The following JPT2 variants were observed in gnomAD, a reference collection of about 807,000 sequenced individuals.
JPT2 encodes CRAMP_1 like.
A neutral mutation model predicts 15.9 loss-of-function variants in JPT2; 9 were observed. The ratio of observed to expected loss-of-function variants is 0.57; its 90% CI spans 0.34 to 0.99. The LOEUF is 0.99. Among genes scored for constraint, JPT2 ranks in the 50% least tolerant of loss-of-function variants. The pLI is 0.02. For missense variants in JPT2, 267 were observed against 252.1 expected, an observed-to-expected ratio of 1.06 and a Z score of -0.40; for synonymous variants, 95 against 91.7, an observed-to-expected ratio of 1.04 and a Z score of -0.21.
chr16:1,680,409 A>G (rs2037013153), intron 1 of JPT2: 3 of 1,145,366 alleles, frequency 2.6e-6, no homozygotes, highest in South Asian at 1.7e-5. Context: ...ACCCTGGGGG[A>G]CTGGTTTCTG....
At chr16:1,695,566 C>T (rs895864635) in intron 3 of JPT2, among the ~76,000 whole-genome samples, 3 of 151,772 alleles carry the variant, frequency 2.0e-5, no homozygotes, top group East Asian at 1.9e-4. Flanking sequence ...GAATGAGATC[C>T]TGTCTCAAAA....
At chr16:1,686,711 A>G (rs993852540) in intron 2 of JPT2, 1 of 152,046 alleles carries the variant, frequency 6.6e-6, no homozygotes, top group African/African-American at 2.4e-5. Flanking sequence ...AAAAAAATAG[A>G]AAAAGGTTTC....
chr16:1,693,285 CAG>C (rs937221939), intron 3 of JPT2, among the ~76,000 whole-genome samples: 3 of 152,102 alleles, frequency 2.0e-5, no homozygotes, highest in Non-Finnish European at 2.9e-5. Flanking sequence ...TTAGAAGAGA[CAG>C]GGTTTCACCA....
chr16:1,682,857 T>C (rs2037034681), intron 1 of JPT2, among the ~76,000 whole-genome samples: 1 of 152,186 alleles, frequency 6.6e-6, no homozygotes, highest in African/African-American at 2.4e-5. Flanking sequence ...TCGTCCAGGC[T>C]GGTGTACAGT....
At chr16:1,685,742 CT>C (rs2037060066) in intron 2 of JPT2, 155 bp downstream of exon 2, 2 of 804,964 alleles carry the variant, frequency 2.5e-6, no homozygotes, top group African/African-American at 1.8e-5. Context: ...CTGATTTGTA[CT>C]TTCTCTCTTG....
chr16:1,679,897 A>G lies in JPT2; in HGVS notation c.44+1541A>G, dbSNP rs533172877. Among the ~76,000 whole-genome samples, 439 of 152,184 alleles carry G rather than the reference A, an allele frequency of 2.9e-3. 1 individual carries two copies. The highest frequency in any genetic ancestry group is 6.8e-3 in the Middle Eastern group (2 of 294). On this transcript the variant is annotated intron_variant, in intron 1 of 4. Coordinates refer to ENST00000248098, the MANE Select transcript of JPT2 (RefSeq NM_144570.3). The stretch of plus-strand genomic sequence containing the variant: ...CGGTGAAACCCCGTCTCTACTAAAA[A>G]TACGAAAAAATTAGCCGGGTGTGGG...
At chr16:1,689,962 G>T (rs565399618) in intron 2 of JPT2, 1 of 152,410 alleles carries the variant, frequency 6.6e-6, no homozygotes, top group East Asian at 1.9e-4. Flanking sequence ...GGTTCAGAAG[G>T]TTTATCACCC....
At chr16:1,682,928 G>T in intron 1 of JPT2, among the ~76,000 whole-genome samples, 1 of 152,184 alleles carries the variant, frequency 6.6e-6, no homozygotes, top group East Asian at 1.9e-4. Flanking sequence ...TTAGCCTCCC[G>T]AATAACTGGG....
rs918492788 is a variant in JPT2, at chr16:1,699,452, C to T, written c.*454C>T. ...AGAACCGCTTCCATTCTGGAGATCA[C>T]GGCTGCTAAATCCAGCATCCCCACT... On this transcript the variant is annotated 3_prime_UTR_variant, in exon 5 of 5. Coordinates refer to ENST00000248098, the MANE Select transcript of JPT2 (RefSeq NM_144570.3). 9 of 355,334 alleles carry T rather than the reference C, an allele frequency of 2.5e-5. No individual in the cohort carries two copies. Among genetic ancestry groups the T allele is most frequent in the African/African-American group, 6.4e-5 (3 of 47,004 alleles). 22.0% of individuals were successfully genotyped at this position (355,334 alleles called of 1,614,324 possible). A position where few individuals can be genotyped will look rare whatever the true frequency, so the allele number is the denominator to read the frequency against.
intron 1 of JPT2, chr16:1,683,634 C>G (rs1035575702): frequency 6.4e-6 from 9 of 1,416,138 alleles, no homozygotes; most frequent in Non-Finnish European, 8.7e-6. Flanking sequence ...CAGTAGCCAG[C>G]CCGTGGGTCT....
chr16:1,687,324 T>G (rs985468617), intron 2 of JPT2, among the ~76,000 whole-genome samples: 1 of 152,280 alleles, frequency 6.6e-6, no homozygotes, highest in South Asian at 2.1e-4. Context: ...TTGGTCTGTT[T>G]GGTTGCTTTT....
intron 1 of JPT2, among the ~76,000 whole-genome samples, chr16:1,680,745 G>A (rs983913023): frequency 5.3e-5 from 8 of 152,116 alleles, no homozygotes; most frequent in African/African-American, 1.9e-4. Flanking sequence ...TGCTTTAGCC[G>A]CGATTAACCT....
At chr16:1,696,897 G>A (rs2037146174) in intron 3 of JPT2, among the ~76,000 whole-genome samples, 1 of 152,240 alleles carries the variant, frequency 6.6e-6, no homozygotes, top group Non-Finnish European at 1.5e-5. Context: ...TGCAGTGGCT[G>A]TGGATACTGC....
intron 1 of JPT2, among the ~76,000 whole-genome samples, chr16:1,679,536 A>G (rs1001043222): frequency 1.3e-5 from 2 of 151,894 alleles, no homozygotes; most frequent in Non-Finnish European, 2.9e-5. Flanking sequence ...GTCTCTACTA[A>G]AAATGCAAAA....
intron 2 of JPT2, among the ~76,000 whole-genome samples, chr16:1,687,574 G>T (rs1054622085): frequency 6.6e-6 from 1 of 152,146 alleles, no homozygotes; most frequent in Non-Finnish European, 1.5e-5. Flanking sequence ...TGGAAGGCAG[G>T]CGGTACCACT....
chr16:1,699,252 A>C lies in JPT2; in HGVS notation c.*254A>C. 5.0e-5 allele frequency: 28 copies of C among 554,738 alleles called. No homozygotes were observed. The highest frequency in any genetic ancestry group is 1.3e-4 in the East Asian group (3 of 23,530). The allele number at this position is 554,738 out of a possible 1,614,324, so 34.4% of individuals were successfully genotyped here. On this transcript the variant is annotated 3_prime_UTR_variant, in exon 5 of 5. Transcript: ENST00000248098. Reference sequence around the variant, plus strand: ...CATGTGTAGTCCAGGTTTGAGAGGAACTGGAAGGGGGGTGAGGGTGGGGAG... The same window carrying C: ...CATGTGTAGTCCAGGTTTGAGAGGACCTGGAAGGGGGGTGAGGGTGGGGAG...
At chr16:1,683,499 A>G (rs1478601661) in intron 1 of JPT2, 1 of 1,527,270 alleles carries the variant, frequency 6.5e-7, no homozygotes, top group Middle Eastern at 1.7e-4. Flanking sequence ...TCCCTCCTCA[A>G]ATCCTCCAGG....
intron 1 of JPT2, chr16:1,683,469 T>G: frequency 2.3e-6 from 3 of 1,318,424 alleles, no homozygotes; most frequent in Non-Finnish European, 3.1e-6. Flanking sequence ...TTTTCTTAAG[T>G]GCACCTGTCT....
intron 3 of JPT2, among the ~76,000 whole-genome samples, chr16:1,693,619 C>A (rs1252116024): frequency 6.6e-6 from 1 of 152,108 alleles, no homozygotes; most frequent in Non-Finnish European, 1.5e-5. Flanking sequence ...GACATCAGTA[C>A]AACTGGGCAT....
Sources: allele counts gnomAD v4.1 joint callset (sites outside exome capture counted in the v4.1 genomes callset), GRCh38; gene constraint gnomAD v4.1.1; transcripts MANE v1.5; gene names NCBI Gene and HGNC (gene_info 2026-07-23, HGNC 2026-07-21).